The following LIX1 variants were observed in gnomAD, a reference collection of about 807,000 sequenced individuals.
LIX1 encodes limb and CNS expressed 1, also known as protein limb expression 1 homolog.
LIX1 carries 24 observed loss-of-function variants against 33.4 expected under a neutral mutation model. That is an observed-to-expected ratio of 0.72 (90% CI 0.52 to 1.01). The LOEUF is 1.01. Ranked by LOEUF, LIX1 falls within the 50% of genes least tolerant of loss-of-function variation. LIX1 has a pLI of 0.00. For synonymous variants in LIX1, 124 were observed against 124.0 expected (o/e 1.00, Z 0.00); for missense variants, 311 against 339.2 (o/e 0.92, Z 0.65).
intron 4 of LIX1, among the ~76,000 whole-genome samples, chr5:97,104,897 G>A (rs1746930667): frequency 6.6e-6 from 1 of 152,188 alleles, no homozygotes; most frequent in African/African-American, 2.4e-5. Context: ...TTAGTGGGGA[G>A]CTTTGTACTG....
chr5:97,137,343 A>G (rs1408758996), intron 1 of LIX1, among the ~76,000 whole-genome samples: 1 of 152,194 alleles, frequency 6.6e-6, no homozygotes, highest in Non-Finnish European at 1.5e-5. Context: ...AAATAAATGT[A>G]CTAGGACAGA....
chr5:97,095,769 T>C (rs1746344164), intron 5 of LIX1, among the ~76,000 whole-genome samples: 1 of 152,232 alleles, frequency 6.6e-6, no homozygotes, highest in Admixed American at 6.5e-5. Context: ...GTTGATCATG[T>C]GGAGTGAATG....
chr5:97,102,989 A>T, intron 4 of LIX1: 1 of 436,080 alleles, frequency 2.3e-6, no homozygotes, highest in South Asian at 1.7e-5. Context: ...TCCCGCAAAA[A>T]TTCTACAAAA....
chr5:97,132,565 T>G (rs1289792241), intron 1 of LIX1, among the ~76,000 whole-genome samples: 2 of 151,774 alleles, frequency 1.3e-5, no homozygotes, highest in Non-Finnish European at 2.9e-5. Context: ...AGGGATATGA[T>G]TTGACAAGAG....
intron 4 of LIX1, chr5:97,101,893 G>A (rs1303042680): frequency 6.6e-6 from 1 of 152,212 alleles, no homozygotes; most frequent in Admixed American, 6.5e-5. Flanking sequence ...ATGGGATGAA[G>A]TTTTAAAAGG....
intron 1 of LIX1, among the ~76,000 whole-genome samples, chr5:97,134,073 GGCT>G (rs1479244568): frequency 6.6e-6 from 1 of 152,160 alleles, no homozygotes; most frequent in Non-Finnish European, 1.5e-5. Flanking sequence ...AAATTGGAAA[GGCT>G]GCCATTTAAG....
intron 4 of LIX1, among the ~76,000 whole-genome samples, chr5:97,100,335 G>A (rs1480327553): frequency 2.6e-5 from 4 of 152,066 alleles, no homozygotes; most frequent in African/African-American, 4.8e-5. Flanking sequence ...ATCCCATCAC[G>A]AAGCAGCTTT....
intron 2 of LIX1, among the ~76,000 whole-genome samples, chr5:97,108,656 C>T (rs1043516345): frequency 4.7e-4 from 72 of 152,112 alleles, no homozygotes; most frequent in African/African-American, 1.6e-3. Flanking sequence ...GGATCTTGGA[C>T]TCCTAGGGGG....
In LIX1 at chr5:97,094,859, T is replaced by G; in HGVS notation, c.738A>C (p.Lys246Asn). 2 of 1,614,226 alleles carry G rather than the reference T, an allele frequency of 1.2e-6. No individual in the cohort carries two copies. The highest frequency in any genetic ancestry group is 1.7e-6 in the Non-Finnish European group (2 of 1,180,040). Residue 246 changes from lysine to asparagine, a missense_variant, in exon 6 of 6, where the codon AAA (lysine) becomes AAC (asparagine). Transcript: ENST00000274382. ...CTAAGCTCAATATTTCTTTCTTTTC[T>G]TTGTAAAACCGTAGTTCTTGTCCTG... ...RKAGQELRFY[K>N]EKKEILSLAL...
At chr5:97,132,593 A>G (rs1277315466) in intron 1 of LIX1, among the ~76,000 whole-genome samples, 3 of 152,174 alleles carry the variant, frequency 2.0e-5, no homozygotes, top group African/African-American at 7.2e-5. Context: ...GAGAGGACTT[A>G]GCTTCTTTTA....
At chr5:97,113,264 C>T (rs1203554234) in intron 2 of LIX1, among the ~76,000 whole-genome samples, 5 of 152,222 alleles carry the variant, frequency 3.3e-5, no homozygotes, top group Admixed American at 6.5e-5. Flanking sequence ...CCAAAAGCAA[C>T]CTCCTTCCAG....
intron 2 of LIX1, among the ~76,000 whole-genome samples, chr5:97,124,063 G>T (rs150652353): frequency 7.9e-5 from 12 of 152,212 alleles, no homozygotes; most frequent in African/African-American, 2.9e-4. Context: ...GGAGAGTAAA[G>T]GTTAAAATAT....
chr5:97,125,116 A>G (rs954128892), intron 1 of LIX1, among the ~76,000 whole-genome samples: 3 of 152,208 alleles, frequency 2.0e-5, no homozygotes, highest in African/African-American at 7.2e-5. Flanking sequence ...GAACTCTTTC[A>G]TGCTCCTTCC....
chr5:97,139,188 A>G (rs1473424459), intron 1 of LIX1, among the ~76,000 whole-genome samples: 7 of 152,156 alleles, frequency 4.6e-5, no homozygotes, highest in African/African-American at 1.7e-4. Flanking sequence ...TGTGTGCCTC[A>G]GTTTCCTCAC....
intron 4 of LIX1, among the ~76,000 whole-genome samples, chr5:97,104,034 C>T (rs537017185): frequency 1.3e-3 from 197 of 150,428 alleles, no homozygotes; most frequent in Non-Finnish European, 2.3e-3. Flanking sequence ...ATTTTTGCCG[C>T]AATCATACAG....
At chr5:97,100,061 A>G (rs1746611626) in intron 4 of LIX1, among the ~76,000 whole-genome samples, 1 of 152,144 alleles carries the variant, frequency 6.6e-6, no homozygotes, top group African/African-American at 2.4e-5. Context: ...TTAGAAACAT[A>G]CTATTCTTCC....
chr5:97,114,234 C>T (rs1009630246), intron 2 of LIX1, among the ~76,000 whole-genome samples: 1 of 152,166 alleles, frequency 6.6e-6, no homozygotes, highest in African/African-American at 2.4e-5. Context: ...CATGGTAGCT[C>T]ATATCTGTAA....
chr5:97,136,999 T>C (rs1332165102), intron 1 of LIX1: 2 of 321,384 alleles, frequency 6.2e-6, no homozygotes, highest in Admixed American at 8.1e-5. Context: ...GAAGATTCTT[T>C]TATGAAAGGC....
At chr5:97,138,535 C>T (rs1163561151) in intron 1 of LIX1, among the ~76,000 whole-genome samples, 2 of 152,210 alleles carry the variant, frequency 1.3e-5, no homozygotes, top group South Asian at 2.1e-4. Flanking sequence ...TTACTGTTAA[C>T]TCCAATGGCT....
Sources: allele counts gnomAD v4.1 joint callset (sites outside exome capture counted in the v4.1 genomes callset), GRCh38; gene constraint gnomAD v4.1.1; transcripts MANE v1.5; gene names NCBI Gene and HGNC (gene_info 2026-07-23, HGNC 2026-07-21).